The following TUBB6 variants were observed in gnomAD, a reference collection of about 807,000 sequenced individuals.
The protein encoded by TUBB6 is tubulin beta 6 class V.
In TUBB6, 18 loss-of-function variants were observed where a neutral mutation model predicts 32.3. That is an observed-to-expected ratio of 0.56 (90% confidence interval 0.39 to 0.83). The LOEUF (loss-of-function observed/expected upper bound fraction) is 0.83. TUBB6 is among the 40% of genes least tolerant of loss of function. The pLI is 0.00. For missense variants in TUBB6, 480 were observed against 632.0 expected (o/e 0.76, Z 2.58); for synonymous variants, 280 against 265.8 (o/e 1.05, Z -0.52).
intron 3 of TUBB6, among the ~76,000 whole-genome samples, chr18:12,319,609 A>G (rs961913129): frequency 2.6e-4 from 40 of 152,146 alleles, no homozygotes; most frequent in African/African-American, 9.7e-4. Flanking sequence ...CTACCATTGT[A>G]TATGTCATCA....
At position 12,308,344 on chromosome 18, in the gene TUBB6, A is replaced by G. The variant is rs774423040; in HGVS notation, c.52A>G (p.Thr18Ala). The G allele has an allele frequency of 1.4e-6, 2 of 1,476,702 alleles. No homozygotes were observed. Among genetic ancestry groups the G allele is most frequent in the Non-Finnish European group, 1.8e-6 (2 of 1,109,512 alleles). 91.5% of individuals were successfully genotyped at this position (1,476,702 alleles called of 1,614,324 possible). The change falls in exon 1 of 4, where the codon ACC (threonine) becomes GCC (alanine). Residue 18 changes from threonine to alanine, a missense_variant. Thr to Ala is a moderately conservative substitution (Grantham distance 58). Transcript: ENST00000317702. ...GGGCCAGTGCGGGAACCAGATCGGC[A>G]CCAAGGTGGGCCTGGCGCGGTGCAG... is the stretch of plus-strand genomic sequence containing the variant. ...QAGQCGNQIG[T>A]KFWEVISDEH...
At chr18:12,329,124 A>G (rs2143071322), downstream of TUBB6, 1 of 702,890 alleles carries the variant, frequency 1.4e-6, no homozygotes, top group East Asian at 2.7e-5. Flanking sequence ...GTTCTTATCA[A>G]GACTCCAATT....
At chr18:12,323,447 G>A (rs1907089200) in intron 3 of TUBB6, among the ~76,000 whole-genome samples, 2 of 152,110 alleles carry the variant, frequency 1.3e-5, no homozygotes, top group Non-Finnish European at 2.9e-5. Context: ...TTAAATTTAA[G>A]AGCCAATCTT....
chr18:12,311,762 G>T (rs1037851089), intron 3 of TUBB6, among the ~76,000 whole-genome samples: 20 of 152,008 alleles, frequency 1.3e-4, no homozygotes, highest in African/African-American at 4.8e-4. Flanking sequence ...CCTAAAAAAT[G>T]ATAGTAAAAC....
In TUBB6 at chr18:12,326,070, T is replaced by C. The variant is rs1166838923; in HGVS notation, c.1281T>C (p.Asp427=). ...DLVSEYQQYQ[D]ATANDGEEAF... is the part of the protein sequence containing the mutation. ...TATCCGAGTACCAGCAGTACCAGGA[T>C]GCCACCGCCAATGACGGGGAGGAAG... is the stretch of plus-strand genomic sequence containing the variant. Residue 427 remains aspartate, a synonymous_variant, in exon 4 of 4, where the codon GAT becomes GAC. Transcript: ENST00000317702. The C allele has an allele frequency of 6.2e-7, 1 of 1,614,104 alleles. No individual in the cohort carries two copies. Among genetic ancestry groups the C allele is most frequent in the East Asian group, 2.2e-5 (1 of 44,870 alleles).
chr18:12,314,310 G>C (rs8083882), intron 3 of TUBB6, among the ~76,000 whole-genome samples: 119,801 of 151,678 alleles, frequency 0.79, 48,546 homozygotes, highest in Non-Finnish European at 0.88. Flanking sequence ...TCCCCCACTT[G>C]TTGTAGAATT....
downstream of TUBB6, chr18:12,328,900 T>G: frequency 2.4e-6 from 1 of 422,214 alleles, no homozygotes; most frequent in Non-Finnish European, 4.2e-6. Flanking sequence ...TTTCTTGCCA[T>G]TATGTTTTCT....
chr18:12,325,451 C>T lies in TUBB6; in HGVS notation c.662C>T (p.Thr221Ile), dbSNP rs1907242189. 2 of 1,614,146 alleles carry T rather than the reference C, an allele frequency of 1.2e-6. No homozygotes were observed. The highest frequency in any genetic ancestry group is 1.3e-5 in the African/African-American group (1 of 74,952). The change falls in exon 4 of 4, where the codon ACC (threonine) becomes ATC (isoleucine). Residue 221 changes from threonine to isoleucine, a missense_variant. Transcript: ENST00000317702. The part of the protein sequence containing the change: ...CFRTLKLTTP[T>I]YGDLNHLVSA... ...CGCACTCTGAAGCTGACAACGCCCA[C>T]CTACGGGGACCTCAACCACCTGGTG...
chr18:12,310,472 CAG>C (rs772637263), intron 2 of TUBB6, among the ~76,000 whole-genome samples: 2 of 132,224 alleles, frequency 1.5e-5, no homozygotes, highest in Non-Finnish European at 3.1e-5. Flanking sequence ...GCCTGGGCAA[CAG>C]AGCGAGACTC....
At chr18:12,309,529 G>C (rs1906242818) in intron 2 of TUBB6, among the ~76,000 whole-genome samples, 2 of 151,666 alleles carry the variant, frequency 1.3e-5, no homozygotes, top group Non-Finnish European at 2.9e-5. Flanking sequence ...CTCCCTGGAA[G>C]CTGAAACTCC....
At chr18:12,310,268 T>A (rs971891747) in intron 2 of TUBB6, among the ~76,000 whole-genome samples, 3 of 151,810 alleles carry the variant, frequency 2.0e-5, no homozygotes, top group Admixed American at 6.6e-5. Flanking sequence ...GGTGGGCAGA[T>A]CACAAGGTCA....
intron 1 of TUBB6, 56 bp from the exon 2 acceptor site, chr18:12,308,631 C>A: frequency 7.7e-7 from 1 of 1,292,510 alleles, no homozygotes; most frequent in Non-Finnish European, 1.1e-6. Flanking sequence ...GCGCGGGTGG[C>A]GGCGTCCCGG....
At chr18:12,311,299 T>C (rs1428157007) in intron 3 of TUBB6, among the ~76,000 whole-genome samples, 4 of 152,110 alleles carry the variant, frequency 2.6e-5, no homozygotes, top group African/African-American at 9.6e-5. Flanking sequence ...TAGTTCTTGA[T>C]TAAAAAACAA....
intron 3 of TUBB6, among the ~76,000 whole-genome samples, chr18:12,311,327 G>T (rs1339324734): frequency 6.6e-6 from 1 of 152,124 alleles, no homozygotes; most frequent in Admixed American, 6.5e-5. Flanking sequence ...GCCAGGCGCG[G>T]TGGCTCATGC....
chr18:12,315,841 C>A (rs1470422409), intron 3 of TUBB6, among the ~76,000 whole-genome samples: 1 of 152,244 alleles, frequency 6.6e-6, no homozygotes, highest in Non-Finnish European at 1.5e-5. Flanking sequence ...ACACTTGTTA[C>A]ACAGGGCTTC....
At chr18:12,310,184 C>CT (rs909843963) in intron 2 of TUBB6, among the ~76,000 whole-genome samples, 1 of 151,648 alleles carries the variant, frequency 6.6e-6, no homozygotes, top group Non-Finnish European at 1.5e-5. Context: ...TTTTTTCTTT[C>CT]TTTTTTTTAA....
intron 3 of TUBB6, among the ~76,000 whole-genome samples, chr18:12,317,454 C>G (rs1906735875): frequency 7.1e-6 from 1 of 140,988 alleles, no homozygotes; most frequent in Non-Finnish European, 1.6e-5. Flanking sequence ...GGCGACAGAG[C>G]AAGACCCTGT....
At chr18:12,323,058 A>G (rs1401986649) in intron 3 of TUBB6, among the ~76,000 whole-genome samples, 2 of 152,112 alleles carry the variant, frequency 1.3e-5, no homozygotes, top group African/African-American at 2.4e-5. Context: ...AGTTTTTTCA[A>G]ATGTTCATTA....
At chr18:12,309,157 C>T (rs1049609744) in intron 2 of TUBB6, among the ~76,000 whole-genome samples, 13 of 152,036 alleles carry the variant, frequency 8.6e-5, no homozygotes, top group African/African-American at 2.9e-4. Context: ...TCAGGACCAG[C>T]CTGGGCAGCA....
Sources: gnomAD v4.1 joint callset for allele counts (sites outside exome capture counted in the v4.1 genomes callset) on GRCh38, gnomAD v4.1.1 for gene constraint, MANE v1.5 for transcripts, NCBI Gene and HGNC (gene_info 2026-07-23, HGNC 2026-07-21) for gene names.